The following KAT14 variants were observed in gnomAD, a reference collection of about 807,000 sequenced individuals.
KAT14 encodes lysine acetyltransferase 14, also known as cysteine-rich protein 2-binding protein.
KAT14 carries 66 observed loss-of-function variants against 78.4 expected under a neutral mutation model. The observed-to-expected ratio is 0.84, with a 90% confidence interval of 0.69 to 1.03. The LOEUF (loss-of-function observed/expected upper bound fraction) is 1.03, where lower values mean the gene tolerates loss of function less well. KAT14 is among the 50% of genes least tolerant of loss of function. KAT14 has a pLI of 0.00. For missense variants in KAT14, 870 were observed against 972.5 expected (o/e 0.89, Z 1.40); for synonymous variants, 344 against 359.4 (o/e 0.96, Z 0.48).
At chr20:18,176,714 TG>T (rs1222426198) in intron 7 of KAT14, among the ~76,000 whole-genome samples, 5 of 151,428 alleles carry the variant, frequency 3.3e-5, no homozygotes, top group African/African-American at 1.2e-4. Flanking sequence ...ATGAGGCTAC[TG>T]GGGTGACAGG....
At position 18,183,229 on chromosome 20, in the gene KAT14, G is replaced by T; in HGVS notation, c.1912G>T (p.Asp638Tyr). 1 of 1,614,076 alleles carries T rather than the reference G, an allele frequency of 6.2e-7. No homozygotes were observed. The highest frequency in any genetic ancestry group is 8.5e-7 in the Non-Finnish European group (1 of 1,180,014). ...GACGCCGGAGCCCGACGCACCTCTC[G>T]ATTACTGTTATGTGCGGCCAAATCA... ...HWTPEPDAPL[D>Y]YCYVRPNHIP... The change falls in exon 9 of 11, where the codon GAT (aspartate) becomes TAT (tyrosine). Residue 638 changes from aspartate (D) to tyrosine (Y), a missense_variant. Coordinates refer to ENST00000688188, the MANE Select transcript of KAT14 (RefSeq NM_001392073.1).
chr20:18,143,413 C>T (rs1223016497), intron 2 of KAT14, among the ~76,000 whole-genome samples: 1 of 151,572 alleles, frequency 6.6e-6, no homozygotes, highest in Non-Finnish European at 1.5e-5. Context: ...TTTCTGCTGG[C>T]AAGAGATACC....
rs2039344497 is a variant in KAT14 at position 18,183,557 on chromosome 20, G to A, written c.1981+259G>A. On this transcript the variant is annotated intron_variant, in intron 9 of 10. Transcript: ENST00000688188. ...CAGAGTAAAAGATTCATCCTGTTTT[G>A]CTTCTGCATATGTTTAGATACCAGG... 4 of 984,244 alleles carry A rather than the reference G, an allele frequency of 4.1e-6. No homozygotes were observed. The South Asian group carries it at 1.9e-4, about 46-fold the overall frequency. The allele number at this position is 984,244 out of a possible 1,614,324, so 61.0% of individuals were successfully genotyped here.
intron 1 of KAT14, among the ~76,000 whole-genome samples, chr20:18,140,751 G>A (rs2037504885): frequency 6.9e-6 from 1 of 144,212 alleles, no homozygotes; most frequent in Non-Finnish European, 1.5e-5. Context: ...GGTGGAGATT[G>A]CAGTGAGCTA....
intron 3 of KAT14, among the ~76,000 whole-genome samples, chr20:18,147,451 C>T (rs1234949378): frequency 6.6e-6 from 1 of 152,068 alleles, no homozygotes; most frequent in Non-Finnish European, 1.5e-5. Flanking sequence ...GGAAGAAGAG[C>T]AAATATATGT....
rs1228322966 is a variant in KAT14, at chr20:18,162,534, A to C, written c.1257A>C (p.Lys419Asn). The C allele has an allele frequency of 1.9e-6, 3 of 1,613,952 alleles. No homozygotes were observed. The highest frequency in any genetic ancestry group is 1.3e-5 in the African/African-American group (1 of 74,890). ...AGGAGGTAGAGAGTGAGGAGGAAAA[A>C]CCCGACAGGATGGATATTGACAGTG... ...IKQEVESEEE[K>N]PDRMDIDSED... Residue 419 changes from lysine to asparagine, a missense_variant, in exon 7 of 11, where the codon AAA becomes AAC. By Grantham distance (94) the Lys-to-Asn change is moderately conservative. Coordinates refer to ENST00000688188, the MANE Select transcript of KAT14 (RefSeq NM_001392073.1).
At position 18,162,220 on chromosome 20, in the gene KAT14, C is replaced by T. The variant is rs760197047; in HGVS notation, c.1080C>T (p.Pro360=). 6.2e-7 allele frequency: 1 copy of T among 1,614,038 alleles called. No individual in the cohort carries two copies. Among genetic ancestry groups the T allele is most frequent in the Admixed American group, 1.7e-5 (1 of 60,028 alleles). ...SEADLIPDVM[P]PQALFHDDDE... The stretch of plus-strand genomic sequence containing the variant: ...CAGATCTGATTCCAGATGTGATGCC[C>T]CCACAAGCCTTGTTTCATGGTAAGA... The change falls in exon 6 of 11, where the codon CCC becomes CCT. Residue 360 remains proline (P), a synonymous_variant. Coordinates refer to ENST00000688188, the MANE Select transcript of KAT14 (RefSeq NM_001392073.1).
chr20:18,166,203 A>G (rs1398172825), intron 7 of KAT14, among the ~76,000 whole-genome samples: 1 of 152,186 alleles, frequency 6.6e-6, no homozygotes. Flanking sequence ...AACACAGGAA[A>G]AGCAGACATA....
Position 18,142,917 on chromosome 20 carries a change from C to T in KAT14, c.257C>T (p.Ala86Val). 6.2e-7 allele frequency: 1 copy of T among 1,613,326 alleles called. No homozygotes were observed. Among genetic ancestry groups the T allele is most frequent in the Non-Finnish European group, 8.5e-7 (1 of 1,179,330 alleles). ...GACAAGTGCCAAAAATGGATACCAG[C>T]CAGTAAGGAGCTTCTCAATTCCTTT... Reference protein sequence around the residue: ...FCDKCQKWIPASQLREQLSYL... With the variant: ...FCDKCQKWIPVSQLREQLSYL... Residue 86 changes from alanine to valine, a missense_variant and splice_region_variant, in exon 2 of 11, where the codon GCC becomes GTC. Ala to Val is a moderately conservative substitution (Grantham distance 64). Transcript: ENST00000688188.
At chr20:18,174,727 G>T (rs145522623) in intron 7 of KAT14, among the ~76,000 whole-genome samples, 1 of 149,770 alleles carries the variant, frequency 6.7e-6, no homozygotes, top group African/African-American at 2.5e-5. Flanking sequence ...ATAGTGATGC[G>T]ATCTCGGCTC....
At chr20:18,178,326 G>A (rs986450474) in intron 7 of KAT14, among the ~76,000 whole-genome samples, 3 of 151,950 alleles carry the variant, frequency 2.0e-5, no homozygotes, top group Non-Finnish European at 4.4e-5. Context: ...GGCATTCCAC[G>A]GGAATCCACG....
At chr20:18,155,310 C>T (rs955030630) in intron 4 of KAT14, among the ~76,000 whole-genome samples, 4 of 152,016 alleles carry the variant, frequency 2.6e-5, no homozygotes, top group Non-Finnish European at 5.9e-5. Context: ...TCTTTTATGC[C>T]TTTAATATGT....
chr20:18,142,739 C>T lies in KAT14; in HGVS notation c.79C>T (p.Leu27=), dbSNP rs754315371. 8.0e-5 allele frequency: 129 copies of T among 1,614,066 alleles called. No individual in the cohort carries two copies. The highest frequency in any genetic ancestry group is 1.1e-4 in the Non-Finnish European group (129 of 1,180,046). The part of the protein sequence containing the change: ...EATRTSTSEG[L]EEGEVEGETL... ...CACGAGAACATCGACCTCAGAAGGA[C>T]TGGAGGAAGGTGAAGTGGAGGGAGA... Residue 27 remains leucine (L), a synonymous_variant, in exon 2 of 11, where the codon CTG becomes TTG. Coordinates refer to ENST00000688188, the MANE Select transcript of KAT14 (RefSeq NM_001392073.1).
At chr20:18,180,893 T>C (rs553787790) in intron 7 of KAT14, among the ~76,000 whole-genome samples, 253 of 152,342 alleles carry the variant, frequency 1.7e-3, no homozygotes, top group African/African-American at 5.8e-3. Context: ...CAATTCAAGA[T>C]GAGGTTTGTC....
At chr20:18,174,675 T>A (rs535511354) in intron 7 of KAT14, among the ~76,000 whole-genome samples, 22 of 151,780 alleles carry the variant, frequency 1.4e-4, no homozygotes, top group African/African-American at 4.1e-4. Flanking sequence ...TTTTATTTTT[T>A]TTTTTGAGGT....
At chr20:18,182,415 G>A (rs531895345) in intron 8 of KAT14, among the ~76,000 whole-genome samples, 3 of 152,240 alleles carry the variant, frequency 2.0e-5, no homozygotes, top group Non-Finnish European at 4.4e-5. Context: ...AGCCACTGGG[G>A]CCGGCCCTCA....
At chr20:18,151,324 G>T (rs181923463) in intron 4 of KAT14, among the ~76,000 whole-genome samples, 1 of 152,066 alleles carries the variant, frequency 6.6e-6, no homozygotes, top group East Asian at 1.9e-4. Context: ...AGCCTCCTGA[G>T]TAGCTGGGAT....
chr20:18,184,690 T>C lies in KAT14; in HGVS notation c.2070T>C (p.Val690=). Residue 690 remains valine, a synonymous_variant, in exon 10 of 11, where the codon GTT becomes GTC. Coordinates refer to ENST00000688188, the MANE Select transcript of KAT14 (RefSeq NM_001392073.1). ...TCATCATTGCCTTTGGCTTCATGGT[T>C]CCTGATGTGAAATACAATGAAGCTT... ...KKVIIAFGFM[V]PDVKYNEAYI... The C allele has an allele frequency of 1.2e-6, 2 of 1,614,002 alleles. No individual in the cohort carries two copies. Among genetic ancestry groups the C allele is most frequent in the Non-Finnish European group, 1.7e-6 (2 of 1,179,976 alleles).
intron 4 of KAT14, among the ~76,000 whole-genome samples, chr20:18,153,572 T>C (rs2038122871): frequency 6.6e-6 from 1 of 152,262 alleles, no homozygotes; most frequent in South Asian, 2.1e-4. Context: ...AAAATATTGC[T>C]GGATTTTAAC....
Sources: gnomAD v4.1 joint callset for allele counts (sites outside exome capture counted in the v4.1 genomes callset) on GRCh38, gnomAD v4.1.1 for gene constraint, MANE v1.5 for transcripts, NCBI Gene and HGNC (gene_info 2026-07-23, HGNC 2026-07-21) for gene names.